The following FST variants were observed in gnomAD, a reference collection of about 807,000 sequenced individuals.
FST encodes follistatin, also known as activin-binding protein.
A neutral mutation model predicts 38.4 loss-of-function variants in FST; 6 were observed. The ratio of observed to expected loss-of-function variants is 0.16; its 90% confidence interval spans 0.09 to 0.31. FST has a LOEUF of 0.31. Ranked by LOEUF, FST falls within the 10% of genes least tolerant of loss-of-function variation. FST has a pLI of 1.00. For synonymous variants in FST, 157 were observed against 169.8 expected (o/e 0.92, Z 0.59); for missense variants, 301 against 432.3 (o/e 0.70, Z 2.69).
Position 53,484,124 on chromosome 5 carries a change from C to G in FST, c.552C>G (p.Thr184=), listed in dbSNP as rs756165397. 1.2e-6 allele frequency: 2 copies of G among 1,608,732 alleles called. No individual in the cohort carries two copies. Among genetic ancestry groups the G allele is most frequent in the Non-Finnish European group, 1.7e-6 (2 of 1,175,050 alleles). ...PGSSTCVVDQ[T]NNAYCVTCNR... ...GCTCCACATGTGTGGTGGACCAGAC[C>G]AATAATGCCTACTGTGTGACCTGTA... Residue 184 remains threonine, a synonymous_variant, in exon 4 of 6, where the codon ACC becomes ACG. Coordinates refer to ENST00000256759, the MANE Select transcript of FST (RefSeq NM_013409.3).
chr5:53,482,622 C>G, intron 1 of FST: 18 of 450,812 alleles, frequency 4.0e-5, no homozygotes, highest in East Asian at 1.1e-4. Flanking sequence ...GCCCTGTCTT[C>G]TCCCTCTCTC....
intron 5 of FST, chr5:53,485,620 T>C: frequency 1.0e-6 from 1 of 973,394 alleles, no homozygotes; most frequent in Non-Finnish European, 1.7e-6. Flanking sequence ...TTGCCTCTAC[T>C]AACTCTGAAT....
rs1747580684 is a variant in FST, at chr5:53,486,957, T to C, written c.*924T>C. The C allele has an allele frequency of 6.6e-6, 1 of 152,234 alleles. No individual in the cohort carries two copies. The highest frequency in any genetic ancestry group is 2.4e-5 in the African/African-American group (1 of 41,462). 9.4% of individuals were successfully genotyped at this position (152,234 alleles called of 1,614,324 possible). ...ATCAGTTCAAGTTTCTTGCTTTTCATAATACTTTTTTCTGATGCAATTTTA... is the reference window on the plus strand; with the variant it reads ...ATCAGTTCAAGTTTCTTGCTTTTCACAATACTTTTTTCTGATGCAATTTTA... On this transcript the variant is annotated 3_prime_UTR_variant, in exon 6 of 6. Transcript: ENST00000256759.
In FST at chr5:53,483,145, T is replaced by G. The variant is rs561189247; in HGVS notation, c.277+74T>G. On this transcript the variant is annotated intron_variant, in intron 2 of 5. Coordinates refer to ENST00000256759, the MANE Select transcript of FST (RefSeq NM_013409.3). The surrounding 1 kb of genome is among the most constrained non-coding windows in gnomAD (Gnocchi z 4.1). ...ACCCTTAGCTTCCCCACTACCTGAC[T>G]GGGGTTTGGGAGTAGGAGAGCTTTG... 5 of 1,013,292 alleles carry G rather than the reference T, an allele frequency of 4.9e-6. No individual in the cohort carries two copies. The Admixed American group carries it at 9.8e-5, about 20-fold the overall frequency. 62.8% of individuals were successfully genotyped at this position (1,013,292 alleles called of 1,614,324 possible).
Position 53,482,877 on chromosome 5 carries a change from C to T in FST, c.86-3C>T. The stretch of plus-strand genomic sequence containing the variant: ...CCACCTCCCCACCCTTGTCTCTTCA[C>T]AGCTGGGAACTGCTGGCTCCGTCAA... On this transcript the variant is annotated splice_region_variant and splice_polypyrimidine_tract_variant and intron_variant, in intron 1 of 5. Transcript: ENST00000256759. 3.8e-6 allele frequency: 6 copies of T among 1,592,170 alleles called. No homozygotes were observed. The highest frequency in any genetic ancestry group is 5.2e-6 in the Non-Finnish European group (6 of 1,164,850).
intron 1 of FST, 68 bp from the exon 2 acceptor site, chr5:53,482,812 C>A: frequency 1.0e-6 from 1 of 969,976 alleles, no homozygotes; most frequent in Non-Finnish European, 1.6e-6. Context: ...CGCTAGCCAC[C>A]TCGCTCTCCC....
In FST at chr5:53,480,783, G is replaced by GC; in HGVS notation, c.-4dup. 2 of 1,413,208 alleles carry GC rather than the reference G, an allele frequency of 1.4e-6. No homozygotes were observed. 87.5% of individuals were successfully genotyped at this position (1,413,208 alleles called of 1,614,324 possible). ...CCGCTGCGCTCCTCGCCCCGCGCCT[G>GC]CCCCCAGGATGGTCCGCGCGAGGCA... On this transcript the variant is annotated 5_prime_UTR_variant, in exon 1 of 6. Transcript: ENST00000256759.
chr5:53,483,557 A>G lies in FST; in HGVS notation c.331A>G (p.Lys111Glu), dbSNP rs1747368137. The change falls in exon 3 of 6, where the codon AAG becomes GAG. Residue 111 changes from lysine to glutamate, a missense_variant. Coordinates refer to ENST00000256759, the MANE Select transcript of FST (RefSeq NM_013409.3). The surrounding 1 kb of genome is among the most constrained non-coding windows in gnomAD (Gnocchi z 4.1). ...GPGKKCRMNK[K>E]NKPRCVCAPD... The stretch of plus-strand genomic sequence containing the variant: ...TGGGAAAAAATGCCGAATGAACAAG[A>G]AGAACAAACCCCGCTGCGTCTGCGC... 6.2e-7 allele frequency: 1 copy of G among 1,614,102 alleles called. No homozygotes were observed. The highest frequency in any genetic ancestry group is 1.3e-5 in the African/African-American group (1 of 74,946).
intron 5 of FST, 146 bp from the exon 6 acceptor site, chr5:53,485,805 C>CA (rs992163147): frequency 7.5e-6 from 12 of 1,589,470 alleles, no homozygotes; most frequent in South Asian, 3.5e-5. Flanking sequence ...ATGCCAAAAA[C>CA]AAAAAAAGCA....
rs1747464013 is a variant in FST at position 53,485,021 on chromosome 5, A to G, written c.746A>G (p.Gln249Arg). Residue 249 changes from glutamine to arginine, a missense_variant, in exon 5 of 6, where the codon CAG becomes CGG. By Grantham distance (43) the Gln-to-Arg change is conservative. Coordinates refer to ENST00000256759, the MANE Select transcript of FST (RefSeq NM_013409.3). ...GAAGCAAAGTCCTGTGAAGATATCCAGTGCACTGGTGGGAAAAAATGTTTA... is the reference window on the plus strand; with the variant it reads ...GAAGCAAAGTCCTGTGAAGATATCCGGTGCACTGGTGGGAAAAAATGTTTA... ...CIKAKSCEDIQCTGGKKCLWD... is the reference protein window; with the variant it reads ...CIKAKSCEDIRCTGGKKCLWD... The G allele has an allele frequency of 6.4e-7, 1 of 1,562,984 alleles. No individual in the cohort carries two copies. Among genetic ancestry groups the G allele is most frequent in the Non-Finnish European group, 8.8e-7 (1 of 1,133,474 alleles).
rs1046305232 is a variant in FST, at chr5:53,484,263, A to G, written c.691A>G (p.Ile231Val). 10 of 1,612,124 alleles carry G rather than the reference A, an allele frequency of 6.2e-6. No homozygotes were observed. Among genetic ancestry groups the G allele is most frequent in the African/African-American group, 2.7e-5 (2 of 74,886 alleles). ...RKATCLLGRS[I>V]GLAYEGKCIK... is the part of the protein sequence containing the mutation. ...GGCTACCTGCCTGCTGGGCAGATCTATTGGATTAGCCTATGAGGGAAAGTG... is the reference window on the plus strand; with the variant it reads ...GGCTACCTGCCTGCTGGGCAGATCTGTTGGATTAGCCTATGAGGGAAAGTG... The change falls in exon 4 of 6, where the codon ATT becomes GTT. Residue 231 changes from isoleucine to valine, a missense_variant. Coordinates refer to ENST00000256759, the MANE Select transcript of FST (RefSeq NM_013409.3).
Position 53,483,076 on chromosome 5 carries a change from G to T in FST, c.277+5G>T, listed in dbSNP as rs376066798. On this transcript the variant is annotated splice_donor_5th_base_variant and intron_variant, in intron 2 of 5. Transcript: ENST00000256759. The surrounding 1 kb of genome is among the most constrained non-coding windows in gnomAD (Gnocchi z 4.1). The stretch of plus-strand genomic sequence containing the variant: ...CCAACTGCATCCCCTGTAAAGGTAG[G>T]ACTCCTTCTTCCCAACTTGCAGGCC... 1.7e-5 allele frequency: 28 copies of T among 1,603,900 alleles called. No individual in the cohort carries two copies. The highest frequency in any genetic ancestry group is 2.1e-5 in the Non-Finnish European group (25 of 1,172,260).
chr5:53,484,722 C>T (rs1347930050), intron 4 of FST, among the ~76,000 whole-genome samples: 1 of 152,012 alleles, frequency 6.6e-6, no homozygotes, highest in African/African-American at 2.4e-5. Flanking sequence ...TTGTAAAATC[C>T]TGTTCTTAAA....
intron 1 of FST, among the ~76,000 whole-genome samples, chr5:53,481,848 C>T (rs1747231557): frequency 6.6e-6 from 1 of 152,174 alleles, no homozygotes; most frequent in South Asian, 2.1e-4. Context: ...TACTTATAAC[C>T]GTGAAATGGT....
intron 1 of FST, 121 bp from the exon 2 acceptor site, chr5:53,482,759 C>G (rs1203903699): frequency 3.4e-6 from 2 of 595,280 alleles, no homozygotes; most frequent in African/African-American, 1.9e-5. Flanking sequence ...CTCACTTCCC[C>G]TCCTCCACGC....
chr5:53,481,615 G>C (rs1253229467), intron 1 of FST, among the ~76,000 whole-genome samples: 1 of 151,998 alleles, frequency 6.6e-6, no homozygotes, highest in Non-Finnish European at 1.5e-5. Flanking sequence ...TTCTGAAATG[G>C]GTTAAGAGCA....
At chr5:53,480,929 C>G (rs770719308) in intron 1 of FST, 53 bp downstream of exon 1, 4 of 984,802 alleles carry the variant, frequency 4.1e-6, no homozygotes, top group African/African-American at 1.7e-5. Flanking sequence ...GGGGGGTCGA[C>G]TTTTCTGTGG....
chr5:53,480,738 C>T lies in FST; in HGVS notation c.-54C>T, dbSNP rs1416188912. The T allele has an allele frequency of 1.5e-6, 1 of 672,368 alleles. No homozygotes were observed. Among genetic ancestry groups the T allele is most frequent in the Non-Finnish European group, 2.0e-6 (1 of 510,472 alleles). The allele number at this position is 672,368 out of a possible 1,614,324, so 41.7% of individuals were successfully genotyped here. A position where few individuals can be genotyped will look rare whatever the true frequency, so the allele number is the denominator to read the frequency against. Reference sequence around the variant, plus strand: ...CGCGCCGCTCGCCCGAGCCACCCGCCGCCGCGCCGGCTCCCCGCGCCGCTG... The same window carrying T: ...CGCGCCGCTCGCCCGAGCCACCCGCTGCCGCGCCGGCTCCCCGCGCCGCTG... On this transcript the variant is annotated 5_prime_UTR_variant, in exon 1 of 6. Transcript: ENST00000256759.
At chr5:53,485,546 G>GTTT in intron 5 of FST, 116 of 634,578 alleles carry the variant, frequency 1.8e-4, no homozygotes, top group South Asian at 3.9e-4. Flanking sequence ...TGCTTCAAAA[G>GTTT]TTTTTTTTTT....
Sources: gnomAD v4.1 joint callset for allele counts (sites outside exome capture counted in the v4.1 genomes callset) on GRCh38, gnomAD v4.1.1 for gene constraint, Gnocchi (gnomAD v3.1) non-coding constraint, MANE v1.5 for transcripts, NCBI Gene and HGNC (gene_info 2026-07-23, HGNC 2026-07-21) for gene names.